KIF16B: variants seen among roughly 807,000 people sequenced by gnomAD.
KIF16B encodes the protein kinesin-like protein KIF16B.
KIF16B carries 98 observed loss-of-function variants against 156.3 expected under a neutral mutation model. That is an observed-to-expected ratio of 0.63 (90% CI 0.53 to 0.74). The LOEUF (loss-of-function observed/expected upper bound fraction) is 0.74, where lower values mean the gene tolerates loss of function less well. Among genes scored for constraint, KIF16B ranks in the 30% least tolerant of loss-of-function variants. The pLI is 0.00. For synonymous variants in KIF16B, 564 were observed against 583.7 expected (o/e 0.97, Z 0.49); for missense variants, 1,421 against 1,606.5 (o/e 0.88, Z 1.97).
intron 22 of KIF16B, among the ~76,000 whole-genome samples, chr20:16,356,994 C>T (rs1163637842): frequency 1.3e-5 from 2 of 152,054 alleles, no homozygotes; most frequent in African/African-American, 4.8e-5. Context: ...TTCTTTAGGC[C>T]CCATTTGATT....
chr20:16,438,625 T>A (rs1232975625), intron 12 of KIF16B, among the ~76,000 whole-genome samples: 3 of 152,102 alleles, frequency 2.0e-5, no homozygotes, highest in Non-Finnish European at 2.9e-5. Context: ...GGAGAAACAG[T>A]CACCAAGATT....
At chr20:16,315,239 A>G (rs936612431) in intron 24 of KIF16B, among the ~76,000 whole-genome samples, 5 of 152,154 alleles carry the variant, frequency 3.3e-5, no homozygotes, top group African/African-American at 1.2e-4. Flanking sequence ...TGAAATAACT[A>G]TGTGTAAATT....
rs189505206 is a variant in KIF16B, at chr20:16,568,361, T to G, written c.47+4868A>C. Among the ~76,000 whole-genome samples, 142 of 152,338 alleles carry G rather than the reference T, an allele frequency of 9.3e-4. 1 individual carries two copies. The Middle Eastern group carries it at 0.014, about 15-fold the overall frequency. On this transcript the variant is annotated intron_variant, in intron 1 of 25. Coordinates refer to ENST00000354981, the MANE Select transcript of KIF16B (RefSeq NM_024704.5). Reference sequence around the variant, plus strand: ...CACTCAGTAAATATTTTTTGGCATTTTTTAAATACTTGTTTTTGAATAAAG... The same window carrying G: ...CACTCAGTAAATATTTTTTGGCATTGTTTAAATACTTGTTTTTGAATAAAG...
chr20:16,513,675 A>C (rs1377566646), intron 4 of KIF16B, among the ~76,000 whole-genome samples: 1 of 150,880 alleles, frequency 6.6e-6, no homozygotes, highest in African/African-American at 2.5e-5. Context: ...AAAAAAAAAA[A>C]AAAAAAAACC....
intron 25 of KIF16B, among the ~76,000 whole-genome samples, chr20:16,300,152 T>A (rs906102346): frequency 6.6e-6 from 1 of 152,146 alleles, no homozygotes; most frequent in Non-Finnish European, 1.5e-5. Flanking sequence ...GGAAAGGGAA[T>A]CCCACTAGGT....
chr20:16,304,648 G>C (rs1309485277), intron 25 of KIF16B, among the ~76,000 whole-genome samples: 1 of 152,090 alleles, frequency 6.6e-6, no homozygotes, highest in African/African-American at 2.4e-5. Flanking sequence ...GTTTGATAAT[G>C]GTTCTATTAT....
chr20:16,325,517 C>T (rs554177919), intron 24 of KIF16B, among the ~76,000 whole-genome samples: 7 of 149,682 alleles, frequency 4.7e-5, no homozygotes, highest in East Asian at 4.0e-4. Context: ...AGCAACCAAG[C>T]GGAGAATCAA....
At chr20:16,512,244 T>C (rs1040755896) in intron 5 of KIF16B, among the ~76,000 whole-genome samples, 1 of 152,100 alleles carries the variant, frequency 6.6e-6, no homozygotes, top group African/African-American at 2.4e-5. Context: ...TACCCAGAGA[T>C]AGGTACCACT....
At chr20:16,447,120 G>A (rs889825331) in intron 12 of KIF16B, among the ~76,000 whole-genome samples, 1 of 152,056 alleles carries the variant, frequency 6.6e-6, no homozygotes, top group African/African-American at 2.4e-5. Context: ...TGAGAAAAGA[G>A]TTTAATACAT....
At chr20:16,492,181 T>C (rs1055854597) in intron 12 of KIF16B, among the ~76,000 whole-genome samples, 2 of 152,100 alleles carry the variant, frequency 1.3e-5, no homozygotes, top group South Asian at 4.1e-4. Flanking sequence ...CTGACTGATG[T>C]AAAACGCTAA....
intron 22 of KIF16B, among the ~76,000 whole-genome samples, chr20:16,360,866 G>A (rs1314305179): frequency 2.0e-5 from 3 of 152,138 alleles, no homozygotes; most frequent in African/African-American, 7.2e-5. Context: ...ACAAATTGAG[G>A]AAATGAACAG....
chr20:16,287,215 C>G (rs1209190345), intron 25 of KIF16B, among the ~76,000 whole-genome samples: 1 of 152,280 alleles, frequency 6.6e-6, no homozygotes, highest in Admixed American at 6.5e-5. Flanking sequence ...TCTTTGGTTT[C>G]TATTTATAAT....
chr20:16,424,024 A>G (rs1319129358), intron 15 of KIF16B, among the ~76,000 whole-genome samples: 1 of 152,018 alleles, frequency 6.6e-6, no homozygotes, highest in East Asian at 1.9e-4. Context: ...TCCCACCATG[A>G]CTAATACTGC....
rs544001202 is a variant in KIF16B at position 16,443,408 on chromosome 20, T to C, written c.1303-13426A>G. On this transcript the variant is annotated intron_variant, in intron 12 of 25. Transcript: ENST00000354981. Reference sequence around the variant, plus strand: ...AGGTGACTGAATAAATTGTCCTCTATGAACCCAAAGAGTTAATATTTTGTA... The same window carrying C: ...AGGTGACTGAATAAATTGTCCTCTACGAACCCAAAGAGTTAATATTTTGTA... 7.2e-5 allele frequency among the ~76,000 whole-genome samples: 11 copies of C among 152,296 alleles called. No individual in the cohort carries two copies. The East Asian group carries it at 2.1e-3, about 29-fold the overall frequency.
chr20:16,529,908 G>A (rs1257480045), intron 1 of KIF16B, among the ~76,000 whole-genome samples: 1 of 152,122 alleles, frequency 6.6e-6, no homozygotes, highest in Non-Finnish European at 1.5e-5. Context: ...CCAAGATCAC[G>A]CCACTGCACT....
intron 22 of KIF16B, chr20:16,367,871 G>A (rs1417797145): frequency 1.3e-6 from 2 of 1,558,210 alleles, no homozygotes; most frequent in Admixed American, 1.8e-5. Flanking sequence ...GTGAGCAGAA[G>A]ACCCTCTGCA....
Position 16,530,502 on chromosome 20 carries a change from G to A in KIF16B, c.48-2062C>T, listed in dbSNP as rs181130128. Among the ~76,000 whole-genome samples the A allele has an allele frequency of 6.6e-5, 10 of 152,264 alleles. No homozygotes were observed. The East Asian group carries it at 1.4e-3, about 21-fold the overall frequency. ...CCCAGCCAGCAGGAAACAGGGGCCC[G>A]CTAGCAGCACGCCAGACAGCCTGGC... On this transcript the variant is annotated intron_variant, in intron 1 of 25. Coordinates refer to ENST00000354981, the MANE Select transcript of KIF16B (RefSeq NM_024704.5).
At chr20:16,283,975 T>C (rs1044239410) in intron 25 of KIF16B, among the ~76,000 whole-genome samples, 1 of 152,162 alleles carries the variant, frequency 6.6e-6, no homozygotes, top group East Asian at 1.9e-4. Flanking sequence ...GCACCCAGCC[T>C]CCACCACATT....
chr20:16,529,319 CAA>C (rs764141891), intron 1 of KIF16B, among the ~76,000 whole-genome samples: 7 of 152,008 alleles, frequency 4.6e-5, no homozygotes, highest in Non-Finnish European at 1.0e-4. Flanking sequence ...AAAAATAAAA[CAA>C]GAGTTTCAAA....
Sources: allele counts gnomAD v4.1 joint callset (sites outside exome capture counted in the v4.1 genomes callset), GRCh38; gene constraint gnomAD v4.1.1; transcripts MANE v1.5; gene names NCBI Gene and HGNC (gene_info 2026-07-23, HGNC 2026-07-21).